Variants in PCDH15 observed in about 807,000 individuals in gnomAD.
PCDH15 encodes the protein protocadherin-15.
In PCDH15, 129 loss-of-function variants were observed where a neutral mutation model predicts 178.5. The observed-to-expected ratio is 0.72, with a 90% CI of 0.63 to 0.84. The LOEUF (loss-of-function observed/expected upper bound fraction) is 0.84. PCDH15 is among the 40% of genes least tolerant of loss of function. The pLI is 0.00. For missense variants in PCDH15, 2,230 were observed against 2,099.9 expected (o/e 1.06, Z -1.21); for synonymous variants, 800 against 732.0 (o/e 1.09, Z -1.50).
chr10:55,054,295 G>A (rs1841238419), intron 2 of PCDH15, among the ~76,000 whole-genome samples: 1 of 152,100 alleles, frequency 6.6e-6, no homozygotes, highest in African/African-American at 2.4e-5. Flanking sequence ...TTCTGTTCCT[G>A]CATGAGTTTG....
chr10:55,162,924 A>AT lies in PCDH15; in HGVS notation c.-80+3651dup, dbSNP rs570779009. ...TACAAGAGCTGCAACTTCTCTAATT[A>AT]TTTTTGTAATTAACATCACTATTTC... On this transcript the variant is annotated intron_variant, in intron 2 of 5. Coordinates refer to the PCDH15 transcript ENST00000458638. Among the ~76,000 whole-genome samples, 498 of 152,244 alleles carry AT rather than the reference A, an allele frequency of 3.3e-3. 3 individuals carry two copies. The highest frequency in any genetic ancestry group is 5.0e-3 in the Non-Finnish European group (339 of 68,016).
intron 21 of PCDH15, among the ~76,000 whole-genome samples, chr10:53,978,052 AG>A: frequency 6.6e-6 from 1 of 152,188 alleles, no homozygotes; most frequent in Admixed American, 6.5e-5. Context: ...TAGCTTTTCC[AG>A]GCACACACAG....
intron 2 of PCDH15, among the ~76,000 whole-genome samples, chr10:55,593,325 G>A (rs899457198): frequency 2.6e-5 from 4 of 151,938 alleles, no homozygotes; most frequent in African/African-American, 9.7e-5. Context: ...TCTGTTTGCT[G>A]AGATTATAGG....
chr10:53,898,716 C>T lies in PCDH15; in HGVS notation c.3501+4527G>A, dbSNP rs141317202. ...CTCAGGAGACCTCCCTTAACAATCA[C>T]TGCTCAAAAATGACTCACATATCCA... On this transcript the variant is annotated intron_variant, in intron 26 of 37. Coordinates refer to ENST00000644397, the MANE Select transcript of PCDH15 (RefSeq NM_001384140.1). Among the ~76,000 whole-genome samples the T allele has an allele frequency of 4.3e-3, 659 of 152,294 alleles. 4 individuals carry two copies. The highest frequency in any genetic ancestry group is 0.015 in the African/African-American group (632 of 41,562).
intron 3 of PCDH15, among the ~76,000 whole-genome samples, chr10:54,508,085 C>T (rs1287798101): frequency 6.6e-6 from 1 of 151,950 alleles, no homozygotes; most frequent in Non-Finnish European, 1.5e-5. Flanking sequence ...AATTAAGAAT[C>T]AGAGAAATTA....
intron 1 of PCDH15, among the ~76,000 whole-genome samples, chr10:54,795,908 T>G (rs879335338): frequency 6.6e-6 from 1 of 151,936 alleles, no homozygotes; most frequent in South Asian, 2.1e-4. Flanking sequence ...TCAATCTCCA[T>G]TTACTGAAAT....
intron 2 of PCDH15, among the ~76,000 whole-genome samples, chr10:54,649,680 G>A (rs1050812419): frequency 9.2e-5 from 14 of 151,934 alleles, no homozygotes; most frequent in African/African-American, 3.4e-4. Context: ...TAAATTTTTA[G>A]AGATTCACTT....
At chr10:54,293,119 A>G (rs1047751316) in intron 8 of PCDH15, among the ~76,000 whole-genome samples, 3 of 152,186 alleles carry the variant, frequency 2.0e-5, no homozygotes, top group Non-Finnish European at 4.4e-5. Flanking sequence ...AAAAACAGAT[A>G]TATAGACCAA....
intron 27 of PCDH15, among the ~76,000 whole-genome samples, chr10:53,863,552 G>C (rs2079244141): frequency 6.6e-6 from 1 of 151,904 alleles, no homozygotes; most frequent in Non-Finnish European, 1.5e-5. Context: ...GAGGGTTTAA[G>C]AGAGGGTTCA....
intron 2 of PCDH15, among the ~76,000 whole-genome samples, chr10:55,593,239 G>T (rs7081079): frequency 0.31 from 46,411 of 151,498 alleles, 7,623 homozygotes; most frequent in East Asian, 0.42. Context: ...TTTCCAAAAT[G>T]TATGCTAACA....
intron 3 of PCDH15, among the ~76,000 whole-genome samples, chr10:54,397,825 T>G (rs1951438858): frequency 1.3e-5 from 2 of 152,010 alleles, no homozygotes; most frequent in Admixed American, 1.3e-4. Context: ...TTTTATTCAT[T>G]ATTACAAGGA....
chr10:54,103,079 G>T (rs2094841742), intron 15 of PCDH15, among the ~76,000 whole-genome samples: 1 of 152,136 alleles, frequency 6.6e-6, no homozygotes, highest in African/African-American at 2.4e-5. Flanking sequence ...TTCCTCAAGG[G>T]GACCTGGCCT....
intron 1 of PCDH15, among the ~76,000 whole-genome samples, chr10:55,196,294 A>C (rs1840092273): frequency 6.6e-6 from 1 of 152,066 alleles, no homozygotes; most frequent in Admixed American, 6.5e-5. Context: ...CTCAAAAATA[A>C]ACATATTAAA....
intron 21 of PCDH15, among the ~76,000 whole-genome samples, chr10:53,986,940 G>GC (rs1313509351): frequency 2.0e-5 from 3 of 152,118 alleles, no homozygotes; most frequent in Non-Finnish European, 4.4e-5. Flanking sequence ...AGGCCACAGG[G>GC]CTAGTCAGTG....
intron 24 of PCDH15, 91 bp from the exon 25 acceptor site, chr10:53,939,046 A>T: frequency 7.7e-7 from 1 of 1,296,878 alleles, no homozygotes; most frequent in East Asian, 2.4e-5. Flanking sequence ...CAAAAACACT[A>T]AAAATGCCTA....
chr10:55,290,161 A>G (rs1275824704), intron 1 of PCDH15, among the ~76,000 whole-genome samples: 1 of 151,948 alleles, frequency 6.6e-6, no homozygotes, highest in East Asian at 1.9e-4. Flanking sequence ...TAATATACAT[A>G]AATTTTATAC....
intron 20 of PCDH15, among the ~76,000 whole-genome samples, chr10:54,010,251 G>C: frequency 6.6e-6 from 1 of 151,956 alleles, no homozygotes; most frequent in East Asian, 2.0e-4. Flanking sequence ...TTACAGAAAA[G>C]CGGGTAGGCT....
At chr10:54,449,029 A>G (rs548588288) in intron 3 of PCDH15, among the ~76,000 whole-genome samples, 1 of 151,542 alleles carries the variant, frequency 6.6e-6, no homozygotes, top group Non-Finnish European at 1.5e-5. Flanking sequence ...CTTTTTCCCC[A>G]TATCTAGGCA....
intron 2 of PCDH15, among the ~76,000 whole-genome samples, chr10:55,357,815 T>A (rs911134805): frequency 5.3e-5 from 8 of 152,028 alleles, no homozygotes; most frequent in Admixed American, 5.3e-4. Context: ...TAAAAAGTGC[T>A]CAAACTCAAT....
Sources: allele counts gnomAD v4.1 joint callset (sites outside exome capture counted in the v4.1 genomes callset), GRCh38; gene constraint gnomAD v4.1.1; transcripts MANE v1.5; gene names NCBI Gene and HGNC (gene_info 2026-07-23, HGNC 2026-07-21).